ADGRB3: variants seen among roughly 807,000 people sequenced by gnomAD.
The protein encoded by ADGRB3 is brain-specific angiogenesis inhibitor 3.
ADGRB3 carries 37 observed loss-of-function variants against 193.4 expected under a neutral mutation model. That is an observed-to-expected ratio of 0.19 (90% confidence interval 0.15 to 0.25). The LOEUF (loss-of-function observed/expected upper bound fraction) is 0.25, where lower values mean the gene tolerates loss of function less well. Among genes scored for constraint, ADGRB3 ranks in the 10% least tolerant of loss-of-function variants. The pLI is 1.00. For synonymous variants in ADGRB3, 690 were observed against 644.2 expected, an observed-to-expected ratio of 1.07 and a Z score of -1.08; for missense variants, 1,637 against 1,852.9, an observed-to-expected ratio of 0.88 and a Z score of 2.14.
At chr6:69,290,538 A>G (rs1023794112) in intron 20 of ADGRB3, among the ~76,000 whole-genome samples, 1 of 152,190 alleles carries the variant, frequency 6.6e-6, no homozygotes, top group Non-Finnish European at 1.5e-5. Context: ...CTGCTTATCA[A>G]CCCAAATCAG....
chr6:68,987,844 ATTG>A (rs1463150973), intron 10 of ADGRB3, among the ~76,000 whole-genome samples: 1 of 152,130 alleles, frequency 6.6e-6, no homozygotes, highest in Non-Finnish European at 1.5e-5. Flanking sequence ...ATGATAAATG[ATTG>A]TTGTTATTAT....
chr6:69,262,885 G>A (rs977553241), intron 20 of ADGRB3, among the ~76,000 whole-genome samples: 2 of 151,876 alleles, frequency 1.3e-5, no homozygotes, highest in African/African-American at 2.4e-5. Context: ...TCTACTGAGG[G>A]TCTTAAAACA....
intron 22 of ADGRB3, among the ~76,000 whole-genome samples, chr6:69,328,776 T>A (rs1436741944): frequency 6.6e-6 from 1 of 152,256 alleles, no homozygotes; most frequent in African/African-American, 2.4e-5. Flanking sequence ...TCTATAGTAT[T>A]TTTAAAAATT....
chr6:68,831,353 G>C (rs1347293978), intron 3 of ADGRB3, among the ~76,000 whole-genome samples: 1 of 149,368 alleles, frequency 6.7e-6, no homozygotes, highest in East Asian at 2.0e-4. Flanking sequence ...TGGACATGCT[G>C]AATTTGAAGT....
intron 3 of ADGRB3, among the ~76,000 whole-genome samples, chr6:68,691,214 CT>C (rs965778259): frequency 8.5e-5 from 13 of 152,158 alleles, no homozygotes; most frequent in African/African-American, 2.4e-4. Flanking sequence ...GAGTACATGA[CT>C]TTTTTTCTTA....
At chr6:69,263,446 T>C (rs1766971745) in intron 20 of ADGRB3, among the ~76,000 whole-genome samples, 1 of 152,022 alleles carries the variant, frequency 6.6e-6, no homozygotes. Context: ...TGATGACTCA[T>C]GAGTGCAATC....
At chr6:68,824,493 G>A (rs13208896) in intron 3 of ADGRB3, among the ~76,000 whole-genome samples, 41,440 of 147,720 alleles carry the variant, frequency 0.28, 6,761 homozygotes, top group Middle Eastern at 0.49. Context: ...ACAATTCATC[G>A]GATATTTATA....
At chr6:68,948,772 G>T (rs1767839735) in intron 6 of ADGRB3, among the ~76,000 whole-genome samples, 1 of 151,932 alleles carries the variant, frequency 6.6e-6, no homozygotes, top group Non-Finnish European at 1.5e-5. Context: ...GTAATTGAGT[G>T]ACAGATTAAA....
chr6:69,015,683 G>T (rs1305220239), intron 12 of ADGRB3, among the ~76,000 whole-genome samples: 3 of 151,906 alleles, frequency 2.0e-5, no homozygotes, highest in African/African-American at 7.2e-5. Context: ...TTTGGAAAAT[G>T]AGCTGAGTAA....
intron 26 of ADGRB3, among the ~76,000 whole-genome samples, 194 bp downstream of exon 26, chr6:69,339,698 T>C (rs1768935730): frequency 6.6e-6 from 1 of 152,124 alleles, no homozygotes; most frequent in Non-Finnish European, 1.5e-5. Flanking sequence ...AAGTGACAGA[T>C]TAGAACAGAT....
At chr6:69,096,864 C>T (rs1772896006) in intron 17 of ADGRB3, among the ~76,000 whole-genome samples, 1 of 152,200 alleles carries the variant, frequency 6.6e-6, no homozygotes, top group Admixed American at 6.5e-5. Flanking sequence ...AACCACACTA[C>T]ACACTGCATT....
At position 69,142,898 on chromosome 6, in the gene ADGRB3, C is replaced by T. The variant is rs143517362; in HGVS notation, c.2480+66860C>T. Among the ~76,000 whole-genome samples, 394 of 152,194 alleles carry T rather than the reference C, an allele frequency of 2.6e-3. 1 individual carries two copies. The highest frequency in any genetic ancestry group is 9.3e-3 in the African/African-American group (388 of 41,538). On this transcript the variant is annotated intron_variant, in intron 17 of 31. Transcript: ENST00000370598. Reference sequence around the variant, plus strand: ...ATTTTTTTCTTTGTTATACTGCTTTCCTTTCTTAGGGGTATATGCCCAGGA... The same window carrying T: ...ATTTTTTTCTTTGTTATACTGCTTTTCTTTCTTAGGGGTATATGCCCAGGA...
chr6:69,167,674 G>A (rs529541974), intron 17 of ADGRB3, among the ~76,000 whole-genome samples: 2 of 152,232 alleles, frequency 1.3e-5, no homozygotes, highest in African/African-American at 4.8e-5. Flanking sequence ...TATAAGAGCA[G>A]AAAGGCCTTG....
chr6:69,316,892 A>G (rs937857492), intron 20 of ADGRB3, among the ~76,000 whole-genome samples: 1 of 151,540 alleles, frequency 6.6e-6, no homozygotes, highest in African/African-American at 2.4e-5. Context: ...TTGGTTGAAC[A>G]TAGAAACTTA....
intron 26 of ADGRB3, among the ~76,000 whole-genome samples, chr6:69,349,008 C>T (rs1465655599): frequency 6.6e-6 from 1 of 152,158 alleles, no homozygotes; most frequent in South Asian, 2.1e-4. Flanking sequence ...AGTCAAGTGA[C>T]CTGATTCCAT....
chr6:69,157,557 T>G (rs934204732), intron 17 of ADGRB3, among the ~76,000 whole-genome samples: 4 of 152,260 alleles, frequency 2.6e-5, no homozygotes, highest in South Asian at 2.1e-4. Flanking sequence ...ACTTCATTTC[T>G]GGGTTTGGTC....
intron 28 of ADGRB3, among the ~76,000 whole-genome samples, chr6:69,356,692 G>T (rs1463969949): frequency 6.6e-6 from 1 of 152,062 alleles, no homozygotes; most frequent in Non-Finnish European, 1.5e-5. Context: ...CGGAATATGG[G>T]TTATTGTAAA....
At chr6:69,030,616 G>A (rs1770615493) in intron 13 of ADGRB3, among the ~76,000 whole-genome samples, 1 of 152,144 alleles carries the variant, frequency 6.6e-6, no homozygotes, top group South Asian at 2.1e-4. Flanking sequence ...GGCCTGTCAG[G>A]GGAGTGGGGG....
At chr6:69,238,103 G>GAGAC (rs367718409) in intron 19 of ADGRB3, among the ~76,000 whole-genome samples, 2 of 152,072 alleles carry the variant, frequency 1.3e-5, no homozygotes, top group Admixed American at 6.6e-5. Context: ...GGGAGAGAGA[G>GAGAC]AGACAGACAG....
Sources: allele counts gnomAD v4.1 joint callset (sites outside exome capture counted in the v4.1 genomes callset), GRCh38; gene constraint gnomAD v4.1.1; transcripts MANE v1.5; gene names NCBI Gene and HGNC (gene_info 2026-07-23, HGNC 2026-07-21).